The following STAP2 variants were observed in gnomAD, a reference collection of about 807,000 sequenced individuals.
STAP2 encodes the protein signal-transducing adaptor protein 2.
Under a neutral mutation model 52.7 loss-of-function variants are expected in STAP2, and 58 were observed. The observed-to-expected ratio is 1.10, with a 90% CI of 0.89 to 1.37. The LOEUF (loss-of-function observed/expected upper bound fraction) is 1.37. Ranked by LOEUF, STAP2 falls within the 40% of genes most tolerant of loss-of-function variation. STAP2 has a pLI of 0.00. For missense variants in STAP2, 522 were observed against 519.4 expected, an observed-to-expected ratio of 1.00 and a Z score of -0.05; for synonymous variants, 231 against 210.5, an observed-to-expected ratio of 1.10 and a Z score of -0.84.
intron 8 of STAP2, 21 bp from the exon 9 acceptor site, chr19:4,327,028 T>C: frequency 6.3e-7 from 1 of 1,581,946 alleles, no homozygotes; most frequent in Admixed American, 1.8e-5. Context: ...GAGGGCGGCC[T>C]GGAGGAAGCG....
intron 4 of STAP2, among the ~76,000 whole-genome samples, chr19:4,330,342 G>A (rs1003361171): frequency 3.3e-5 from 5 of 151,728 alleles, no homozygotes; most frequent in African/African-American, 7.3e-5. Context: ...GCAACATGGC[G>A]AAACCCCGTT....
chr19:4,327,293 A>G, intron 7 of STAP2, 23 bp downstream of exon 7: 1 of 1,614,158 alleles, frequency 6.2e-7, no homozygotes, highest in Non-Finnish European at 8.5e-7. Flanking sequence ...AGTCACTTCT[A>G]GGGACTCTGG....
At chr19:4,337,415 AG>A (rs1332212665) in intron 1 of STAP2, among the ~76,000 whole-genome samples, 11 of 149,856 alleles carry the variant, frequency 7.3e-5, no homozygotes, top group Non-Finnish European at 1.3e-4. Flanking sequence ...TATTTTTAGT[AG>A]AGACGGGGTT....
intron 1 of STAP2, among the ~76,000 whole-genome samples, chr19:4,336,316 T>A (rs1971979635): frequency 8.0e-6 from 1 of 125,782 alleles, no homozygotes; most frequent in Non-Finnish European, 1.7e-5. Flanking sequence ...CACACTGCCT[T>A]TTTTTTTTTT....
At chr19:4,328,863 T>C (rs11882358) in intron 5 of STAP2, 54 bp from the exon 6 acceptor site, 836,993 of 1,581,566 alleles carry the variant, frequency 0.53, 223,837 homozygotes, top group African/African-American at 0.73. Context: ...TCCGCTCTTC[T>C]GCACGTAAAC....
rs751001856 is a variant in STAP2 at position 4,325,558 on chromosome 19, C to T, written c.830-13G>A. ...CAGGGTGCAGGACCTGATGGGGAAA[C>T]GTGGTCACTGTCAAGACCCATGTCA... On this transcript the variant is annotated splice_polypyrimidine_tract_variant and intron_variant, in intron 9 of 12. Transcript: ENST00000594605. The T allele has an allele frequency of 1.5e-5, 24 of 1,563,518 alleles. No homozygotes were observed. Among genetic ancestry groups the T allele is most frequent in the South Asian group, 3.6e-5 (3 of 82,360 alleles).
At chr19:4,337,775 T>C (rs58320003) in intron 1 of STAP2, among the ~76,000 whole-genome samples, 62,201 of 151,816 alleles carry the variant, frequency 0.41, 12,950 homozygotes, top group East Asian at 0.61. Flanking sequence ...CGTTTGAACC[T>C]GGGAGGTGGA....
In STAP2 at chr19:4,326,960, GCGCCACCCA is replaced by G. The variant is rs1971802210; in HGVS notation, c.802_810del (p.Trp268_Ala270del). The G allele has an allele frequency of 2.6e-6, 4 of 1,548,858 alleles. No individual in the cohort carries two copies. The highest frequency in any genetic ancestry group is 1.7e-6 in the Non-Finnish European group (2 of 1,145,426). Reference sequence around the variant, plus strand: ...GCGTCACCTGGGCCCGGAGCGGAGGGCGCCACCCACACATTCTCGCCATTCTCCTTATCG... The same window carrying G: ...GCGTCACCTGGGCCCGGAGCGGAGGGCACATTCTCGCCATTCTCCTTATCG... On this transcript the variant is annotated inframe_deletion, in exon 9 of 13. Transcript: ENST00000594605.
chr19:4,336,766 C>G (rs1277943264), intron 1 of STAP2, among the ~76,000 whole-genome samples: 1 of 152,088 alleles, frequency 6.6e-6, no homozygotes, highest in African/African-American at 2.4e-5. Context: ...TCCCAAGTAG[C>G]TGGGATTAAG....
intron 4 of STAP2, among the ~76,000 whole-genome samples, chr19:4,330,584 C>G (rs1439337490): frequency 6.6e-6 from 1 of 150,580 alleles, no homozygotes; most frequent in Non-Finnish European, 1.5e-5. Context: ...GGGTCTCAAA[C>G]TAAAGTCTGC....
At chr19:4,324,840 A>G in intron 11 of STAP2, 1 of 422,178 alleles carries the variant, frequency 2.4e-6, no homozygotes. Flanking sequence ...AAAAACAACA[A>G]TAAAGACAGA....
In STAP2 at chr19:4,335,539, C is replaced by T. The variant is rs545479743; in HGVS notation, c.103-1495G>A. On this transcript the variant is annotated intron_variant, in intron 1 of 12. Transcript: ENST00000594605. ...ATTCACCAAGCCTCCACTCATCCCC[C>T]CATCTACCCATCCACCTGTCCATCC... Among the ~76,000 whole-genome samples the T allele has an allele frequency of 6.4e-4, 98 of 152,290 alleles. 3 individuals are homozygous for T. In the South Asian group the frequency reaches 0.02, roughly 31 times the overall value.
intron 9 of STAP2, 49 bp from the exon 10 acceptor site, chr19:4,325,594 C>A (rs1416249339): frequency 1.3e-5 from 20 of 1,525,130 alleles, no homozygotes; most frequent in Admixed American, 2.0e-5. Context: ...TACAGGGACA[C>A]CTTGCAGGTT....
rs916271234 is a variant in STAP2 at position 4,325,614 on chromosome 19, G to A, written c.830-69C>T. On this transcript the variant is annotated intron_variant, in intron 9 of 12. Transcript: ENST00000594605. ...GGACACCTTGCAGGTTGGCGGGGGG[G>A]TCTGTGTGCATGCCTGGAGACAGGC... The A allele has an allele frequency of 3.3e-6, 5 of 1,496,594 alleles. No individual in the cohort carries two copies. In the African/African-American group the frequency reaches 7.0e-5, roughly 21 times the overall value. The allele number at this position is 1,496,594 out of a possible 1,614,324, so 92.7% of individuals were successfully genotyped here. A position where few individuals can be genotyped will look rare whatever the true frequency, so the allele number is the denominator to read the frequency against.
intron 4 of STAP2, among the ~76,000 whole-genome samples, chr19:4,330,886 T>C (rs1971879122): frequency 6.6e-6 from 1 of 151,768 alleles, no homozygotes; most frequent in Non-Finnish European, 1.5e-5. Context: ...AGCTGATTTT[T>C]GTATTTTTAG....
intron 1 of STAP2, among the ~76,000 whole-genome samples, chr19:4,337,828 G>A (rs1038405938): frequency 6.6e-6 from 1 of 152,028 alleles, no homozygotes; most frequent in Non-Finnish European, 1.5e-5. Flanking sequence ...TGCAGCCTGG[G>A]TGACAGAGTG....
At chr19:4,333,943 C>A in intron 2 of STAP2, 30 bp downstream of exon 2, 1 of 1,611,132 alleles carries the variant, frequency 6.2e-7, no homozygotes, top group Non-Finnish European at 8.5e-7. Flanking sequence ...AAGGGAAGGC[C>A]TGCTCTGGAG....
At chr19:4,325,340 A>G (rs199676508) in intron 10 of STAP2, 32 bp from the exon 11 acceptor site, 3 of 1,614,178 alleles carry the variant, frequency 1.9e-6, no homozygotes, top group Non-Finnish European at 2.5e-6. Context: ...GTGTCACATC[A>G]GCTGTTAACC....
chr19:4,336,372 G>T (rs1780812375), intron 1 of STAP2, among the ~76,000 whole-genome samples: 1 of 119,012 alleles, frequency 8.4e-6, no homozygotes, highest in African/African-American at 3.4e-5. Flanking sequence ...AGGCTGAAAT[G>T]CGGTGGCACC....
Sources: allele counts gnomAD v4.1 joint callset (sites outside exome capture counted in the v4.1 genomes callset), GRCh38; gene constraint gnomAD v4.1.1; transcripts MANE v1.5; gene names NCBI Gene and HGNC (gene_info 2026-07-23, HGNC 2026-07-21).